The following ACADL variants were observed in gnomAD, a reference collection of about 807,000 sequenced individuals.
ACADL encodes the protein long-chain specific acyl-CoA dehydrogenase, mitochondrial.
Under a neutral mutation model 56.9 loss-of-function variants are expected in ACADL, and 60 were observed. The observed-to-expected ratio is 1.05, with a 90% CI of 0.86 to 1.31. The LOEUF is 1.31. Among genes scored for constraint, ACADL ranks in the 50% most tolerant of loss-of-function variants. The pLI, the probability that ACADL is intolerant of heterozygous loss-of-function variation, is 0.00. For missense variants in ACADL, 484 were observed against 525.5 expected, an observed-to-expected ratio of 0.92 and a Z score of 0.77; for synonymous variants, 158 against 179.7, an observed-to-expected ratio of 0.88 and a Z score of 0.97.
At chr2:210,189,318 C>A (rs1481227037) in intron 10 of ACADL, among the ~76,000 whole-genome samples, 2 of 151,936 alleles carry the variant, frequency 1.3e-5, no homozygotes, top group African/African-American at 4.8e-5. Flanking sequence ...GAGTATGTTT[C>A]ATCTGATTTA....
At chr2:210,220,568 T>C in intron 2 of ACADL, 79 bp downstream of exon 2, 1 of 1,325,348 alleles carries the variant, frequency 7.5e-7, no homozygotes, top group Non-Finnish European at 1.1e-6. Context: ...GTTTTCTGTA[T>C]AGCAATATAT....
chr2:210,192,412 C>A (rs1688648270), intron 10 of ACADL, among the ~76,000 whole-genome samples: 1 of 151,982 alleles, frequency 6.6e-6, no homozygotes, highest in Non-Finnish European at 1.5e-5. Flanking sequence ...ATTATTTGAA[C>A]CTGGAAGGTG....
chr2:210,190,734 AG>A (rs1688618347), intron 10 of ACADL, among the ~76,000 whole-genome samples: 1 of 152,200 alleles, frequency 6.6e-6, no homozygotes, highest in African/African-American at 2.4e-5. Context: ...ATAAAAAAGC[AG>A]AGAAAACACC....
At chr2:210,212,855 A>C (rs1689008562) in intron 4 of ACADL, among the ~76,000 whole-genome samples, 1 of 152,212 alleles carries the variant, frequency 6.6e-6, no homozygotes, top group African/African-American at 2.4e-5. Context: ...AAAAGAATTA[A>C]TATAGCAGGC....
chr2:210,220,647 T>C lies in ACADL; in HGVS notation c.233A>G (p.Glu78Gly), dbSNP rs1003605011. ...FQEEVIPHHS[E>G]WEKAGEVSRE... ...CATTAGAGGAAAATGTGCCACTTAC[T>C]CTGAGTGATGAGGAATCACTTCTTC... The change falls in exon 2 of 11, where the codon GAA (glutamate) becomes GGA (glycine). Residue 78 changes from glutamate to glycine, a missense_variant and splice_region_variant. Glu to Gly is a moderately conservative substitution (Grantham distance 98, BLOSUM62 -2). Coordinates refer to ENST00000233710, the MANE Select transcript of ACADL (RefSeq NM_001608.4). The C allele has an allele frequency of 6.2e-7, 1 of 1,612,890 alleles. No homozygotes were observed. The highest frequency in any genetic ancestry group is 8.5e-7 in the Non-Finnish European group (1 of 1,179,370).
chr2:210,200,302 TGTCA>T (rs1397206033), intron 8 of ACADL, among the ~76,000 whole-genome samples: 1 of 152,196 alleles, frequency 6.6e-6, no homozygotes, highest in Non-Finnish European at 1.5e-5. Context: ...AAATCATATA[TGTCA>T]GTTTTTCTCA....
intron 4 of ACADL, among the ~76,000 whole-genome samples, chr2:210,211,589 C>T (rs918229010): frequency 1.3e-5 from 2 of 152,014 alleles, no homozygotes; most frequent in Admixed American, 6.6e-5. Flanking sequence ...GTATGTAGCA[C>T]ATCTCCCTTC....
intron 2 of ACADL, 37 bp downstream of exon 2, chr2:210,220,610 T>TGA: frequency 6.3e-7 from 1 of 1,594,650 alleles, no homozygotes; most frequent in Non-Finnish European, 8.6e-7. Flanking sequence ...ATAATACCCC[T>TGA]AGTATACATT....
In ACADL at chr2:210,201,236, T is replaced by C. The variant is rs998331376; in HGVS notation, c.984+2095A>G. ...CTCGCAGGACTTTCTTTCACTTTGCTGAGAGTTCCTTTCTCCTTTTCATTT... is the reference window on the plus strand; with the variant it reads ...CTCGCAGGACTTTCTTTCACTTTGCCGAGAGTTCCTTTCTCCTTTTCATTT... On this transcript the variant is annotated intron_variant, in intron 8 of 10. Transcript: ENST00000233710. Among the ~76,000 whole-genome samples, 19 of 152,174 alleles carry C rather than the reference T, an allele frequency of 1.2e-4. No homozygotes were observed. The East Asian group carries it at 1.3e-3, about 11-fold the overall frequency.
At chr2:210,222,231 A>G (rs1393255363) in intron 1 of ACADL, among the ~76,000 whole-genome samples, 3 of 152,212 alleles carry the variant, frequency 2.0e-5, no homozygotes, top group Non-Finnish European at 4.4e-5. Flanking sequence ...GGGAAACTGA[A>G]TAAACAATAA....
chr2:210,213,594 T>C lies in ACADL; in HGVS notation c.536+2753A>G, dbSNP rs527610943. Reference sequence around the variant, plus strand: ...ATTTTTCCTAAATTTTTGAATGTTATATATGAAATATTAAAAATGAAAACG... The same window carrying C: ...ATTTTTCCTAAATTTTTGAATGTTACATATGAAATATTAAAAATGAAAACG... On this transcript the variant is annotated intron_variant, in intron 4 of 10. Transcript: ENST00000233710. Among the ~76,000 whole-genome samples, 10 of 152,324 alleles carry C rather than the reference T, an allele frequency of 6.6e-5. No homozygotes were observed. In the South Asian group the frequency reaches 1.9e-3, roughly 28 times the overall value.
chr2:210,216,571 T>C, intron 3 of ACADL, 60 bp from the exon 4 acceptor site: 1 of 1,480,978 alleles, frequency 6.8e-7, no homozygotes, highest in South Asian at 1.2e-5. Flanking sequence ...ACGACTATTA[T>C]AACAACAATG....
At chr2:210,222,531 G>GA (rs916888948) in intron 1 of ACADL, among the ~76,000 whole-genome samples, 3 of 146,868 alleles carry the variant, frequency 2.0e-5, no homozygotes, top group Admixed American at 6.7e-5. Flanking sequence ...AAAAGGAAAA[G>GA]AAAAAAAAGT....
chr2:210,216,580 T>C (rs768797553), intron 3 of ACADL, 69 bp from the exon 4 acceptor site: 1 of 1,402,730 alleles, frequency 7.1e-7, no homozygotes, highest in East Asian at 2.4e-5. Flanking sequence ...ATAACAACAA[T>C]GTATTAAGGT....
Position 210,205,732 on chromosome 2 carries a change from G to C in ACADL, c.668C>G (p.Ala223Gly). 1 of 1,613,954 alleles carries C rather than the reference G, an allele frequency of 6.2e-7. No homozygotes were observed. Among genetic ancestry groups the C allele is most frequent in the Non-Finnish European group, 8.5e-7 (1 of 1,179,952 alleles). ...GCTAATACCATGGGCAGGGGAGGGA[G>C]CTTCATGATTTGTGACCGCAACTAC... ...VIVVAVTNHE[A>G]PSPAHGISLF... The change falls in exon 6 of 11, where the codon GCT becomes GGT. Residue 223 changes from alanine to glycine, a missense_variant. By Grantham distance (60) the Ala-to-Gly change is moderately conservative. Coordinates refer to ENST00000233710, the MANE Select transcript of ACADL (RefSeq NM_001608.4).
chr2:210,191,616 C>T (rs1688633906), intron 10 of ACADL, among the ~76,000 whole-genome samples: 1 of 152,150 alleles, frequency 6.6e-6, no homozygotes, highest in African/African-American at 2.4e-5. Flanking sequence ...TTAAATGTTT[C>T]CAATTATACT....
intron 10 of ACADL, among the ~76,000 whole-genome samples, chr2:210,191,238 A>G (rs1199918346): frequency 1.3e-5 from 2 of 152,112 alleles, no homozygotes; most frequent in East Asian, 3.8e-4. Context: ...ATATTAGGCG[A>G]TATATGGGAA....
At chr2:210,207,279 G>C (rs190581805) in intron 5 of ACADL, among the ~76,000 whole-genome samples, 1 of 152,154 alleles carries the variant, frequency 6.6e-6, no homozygotes, top group Admixed American at 6.5e-5. Flanking sequence ...TTTTTGAATA[G>C]CTCCTAATAG....
At chr2:210,225,132 G>A in intron 1 of ACADL, 55 bp downstream of exon 1, 2 of 1,527,654 alleles carry the variant, frequency 1.3e-6, no homozygotes, top group Non-Finnish European at 1.7e-6. Context: ...GTGACTCGCT[G>A]CCCCACCCCA....
Sources: allele counts gnomAD v4.1 joint callset (sites outside exome capture counted in the v4.1 genomes callset), GRCh38; gene constraint gnomAD v4.1.1; transcripts MANE v1.5; gene names NCBI Gene and HGNC (gene_info 2026-07-23, HGNC 2026-07-21).